GANC: variants seen among roughly 807,000 people sequenced by gnomAD.
GANC encodes neutral alpha-glucosidase C.
In GANC, 117 loss-of-function variants were observed where a neutral mutation model predicts 124.2. That is an observed-to-expected ratio of 0.94 (90% confidence interval 0.81 to 1.10). GANC has a LOEUF of 1.10. Among genes scored for constraint, GANC ranks in the 50% least tolerant of loss-of-function variants. GANC has a pLI of 0.00. For synonymous variants in GANC, 377 were observed against 376.8 expected, an observed-to-expected ratio of 1.00 and a Z score of -0.01; for missense variants, 1,140 against 1,095.0, an observed-to-expected ratio of 1.04 and a Z score of -0.58.
At chr15:42,351,161 C>T (rs1425131261) in intron 22 of GANC, among the ~76,000 whole-genome samples, 168 bp from the exon 23 acceptor site, 1 of 152,154 alleles carries the variant, frequency 6.6e-6, no homozygotes, top group Non-Finnish European at 1.5e-5. Context: ...CGTGAGCCAC[C>T]GTGCCTGGGT....
At chr15:42,317,669 T>TCAAAAA (rs1416442124) in intron 10 of GANC, among the ~76,000 whole-genome samples, 2 of 8,822 alleles carry the variant, frequency 2.3e-4, no homozygotes, top group Non-Finnish European at 7.2e-3. Flanking sequence ...AGTAAAGCTG[T>TCAAAAA]TAAAAGTATT....
intron 6 of GANC, among the ~76,000 whole-genome samples, chr15:42,304,250 A>ATGAC (rs1462984530): frequency 6.6e-6 from 1 of 152,234 alleles, no homozygotes. Flanking sequence ...CTGCTCCTGA[A>ATGAC]TGACTACTGG....
chr15:42,340,557 T>G, intron 17 of GANC, 133 bp from the exon 18 acceptor site: 1 of 663,436 alleles, frequency 1.5e-6, no homozygotes, highest in Non-Finnish European at 2.5e-6. Flanking sequence ...TGAGCCAAGA[T>G]AGCACCACGG....
intron 5 of GANC, among the ~76,000 whole-genome samples, chr15:42,296,906 AAGTT>A (rs2051897989): frequency 6.6e-6 from 1 of 151,026 alleles, no homozygotes; most frequent in Non-Finnish European, 1.5e-5. Flanking sequence ...AAATGTATAA[AAGTT>A]AGCCTACATC....
At position 42,273,985 on chromosome 15, in the gene GANC, G is replaced by T. The variant is rs927018356; in HGVS notation, c.-497G>T. 3.6e-5 allele frequency: 8 copies of T among 220,288 alleles called. No homozygotes were observed. Among genetic ancestry groups the T allele is most frequent in the African/African-American group, 1.7e-4 (7 of 41,824 alleles). 13.6% of individuals were successfully genotyped at this position (220,288 alleles called of 1,614,324 possible). A position where few individuals can be genotyped will look rare whatever the true frequency, so the allele number is the denominator to read the frequency against. ...GCAGTACAATCTGGCTGGAGACCTAGCCTCCAGCAAAGACCCGGCCGGCAC... is the reference window on the plus strand; with the variant it reads ...GCAGTACAATCTGGCTGGAGACCTATCCTCCAGCAAAGACCCGGCCGGCAC... On this transcript the variant is annotated 5_prime_UTR_variant, in exon 1 of 24. Transcript: ENST00000318010.
chr15:42,281,248 A>G (rs558023646), intron 3 of GANC: 29 of 629,848 alleles, frequency 4.6e-5, no homozygotes, highest in Middle Eastern at 3.1e-4. Flanking sequence ...CTCCATTTTA[A>G]TGTCCTCCTT....
chr15:42,292,812 C>T lies in GANC; in HGVS notation c.407C>T (p.Ala136Val), dbSNP rs751369534. The change falls in exon 5 of 24, where the codon GCA becomes GTA. Residue 136 changes from alanine (A) to valine (V), a missense_variant. Coordinates refer to ENST00000318010, the MANE Select transcript of GANC (RefSeq NM_198141.3). Reference sequence around the variant, plus strand: ...GGAGACCTGAAGTGCCATATCACAGCAAACCCATTCAAGGTAGACTTGGTG... The same window carrying T: ...GGAGACCTGAAGTGCCATATCACAGTAAACCCATTCAAGGTAGACTTGGTG... ...GKGDLKCHITANPFKVDLVSE... is the reference protein window; with the variant it reads ...GKGDLKCHITVNPFKVDLVSE... 2 of 1,614,018 alleles carry T rather than the reference C, an allele frequency of 1.2e-6. No homozygotes were observed. Among genetic ancestry groups the T allele is most frequent in the Non-Finnish European group, 1.7e-6 (2 of 1,180,002 alleles).
chr15:42,330,731 T>A, intron 15 of GANC, 59 bp downstream of exon 15: 1 of 1,138,392 alleles, frequency 8.8e-7, no homozygotes, highest in Non-Finnish European at 1.3e-6. Context: ...TTTAACCATT[T>A]ATAGAATGTG....
At chr15:42,303,943 T>G (rs1179556597) in intron 6 of GANC, among the ~76,000 whole-genome samples, 1 of 151,462 alleles carries the variant, frequency 6.6e-6, no homozygotes, top group Non-Finnish European at 1.5e-5. Flanking sequence ...TTAGACAGAT[T>G]AACGAGACAG....
intron 3 of GANC, among the ~76,000 whole-genome samples, chr15:42,285,351 C>G (rs1416538867): frequency 6.6e-6 from 1 of 152,058 alleles, no homozygotes; most frequent in Non-Finnish European, 1.5e-5. Flanking sequence ...TGTCTTTAAC[C>G]CAAGTGGCTT....
intron 23 of GANC, among the ~76,000 whole-genome samples, chr15:42,351,783 C>A (rs1242055460): frequency 6.6e-6 from 1 of 152,196 alleles, no homozygotes; most frequent in Non-Finnish European, 1.5e-5. Context: ...TCCTTCCTTG[C>A]TTCCTGAAGT....
chr15:42,301,031 A>AG (rs1031606575), intron 6 of GANC, among the ~76,000 whole-genome samples: 4 of 148,776 alleles, frequency 2.7e-5, no homozygotes, highest in Non-Finnish European at 6.0e-5. Context: ...AAAAAAAAAA[A>AG]GAAAGAAAGA....
Position 42,351,402 on chromosome 15 carries a change from G to A in GANC, c.2605G>A (p.Glu869Lys), listed in dbSNP as rs1304717596. The A allele has an allele frequency of 6.2e-7, 1 of 1,613,836 alleles. No individual in the cohort carries two copies. The highest frequency in any genetic ancestry group is 8.5e-7 in the Non-Finnish European group (1 of 1,179,856). ...EKILVLGFRK[E>K]PSSVTTHSSD... Reference sequence around the variant, plus strand: ...GATCTTGGTCTTAGGCTTCAGGAAGGAGCCATCTTCTGTGACTACCCACTC... The same window carrying A: ...GATCTTGGTCTTAGGCTTCAGGAAGAAGCCATCTTCTGTGACTACCCACTC... The change falls in exon 23 of 24, where the codon GAG becomes AAG. Residue 869 changes from glutamate to lysine, a missense_variant. Glu to Lys is a moderately conservative substitution (Grantham distance 56, BLOSUM62 1). Transcript: ENST00000318010.
intron 13 of GANC, 87 bp from the exon 14 acceptor site, chr15:42,329,219 T>C (rs771250115): frequency 5.9e-5 from 79 of 1,341,554 alleles, no homozygotes; most frequent in Non-Finnish European, 7.5e-5. Flanking sequence ...ATAATAAACA[T>C]AATTTTTAAA....
intron 15 of GANC, among the ~76,000 whole-genome samples, chr15:42,333,023 AAT>A (rs3035933): frequency 1.8e-4 from 25 of 140,468 alleles, no homozygotes; most frequent in African/African-American, 6.6e-4. Context: ...TGTCTCAAAA[AAT>A]ATATATATAT....
At chr15:42,287,915 C>A in intron 4 of GANC, 97 bp downstream of exon 4, 2 of 1,193,954 alleles carry the variant, frequency 1.7e-6, no homozygotes, top group South Asian at 1.6e-5. Context: ...CTTATTTTGG[C>A]TGCTCAAAAC....
In GANC at chr15:42,339,915, A is replaced by T; in HGVS notation, c.2087+3A>T. On this transcript the variant is annotated splice_donor_region_variant and intron_variant, in intron 17 of 23. Transcript: ENST00000318010. ...GTGGCTTCCCAACCTGTCATGAGGT[A>T]AAAAAGCTTCATCCATTCAGGGACC... 1 of 1,610,406 alleles carries T rather than the reference A, an allele frequency of 6.2e-7. No homozygotes were observed. Among genetic ancestry groups the T allele is most frequent in the Non-Finnish European group, 8.5e-7 (1 of 1,177,516 alleles).
intron 1 of GANC, among the ~76,000 whole-genome samples, chr15:42,275,571 A>G (rs567907711): frequency 7.6e-3 from 358 of 47,048 alleles, no homozygotes; most frequent in Middle Eastern, 0.068. Flanking sequence ...AGTGCATGAA[A>G]GCCGGTGTAA....
chr15:42,326,578 T>G (rs1406338261), intron 12 of GANC, among the ~76,000 whole-genome samples, 154 bp downstream of exon 12: 1 of 152,240 alleles, frequency 6.6e-6, no homozygotes, highest in Non-Finnish European at 1.5e-5. Flanking sequence ...TTTGCCTTCT[T>G]TTGTATCTTT....
Sources: gnomAD v4.1 joint callset for allele counts (sites outside exome capture counted in the v4.1 genomes callset) on GRCh38, gnomAD v4.1.1 for gene constraint, MANE v1.5 for transcripts, NCBI Gene and HGNC (gene_info 2026-07-23, HGNC 2026-07-21) for gene names.